Variants in CREB5 observed in about 807,000 individuals in gnomAD.
The protein encoded by CREB5 is cyclic AMP-responsive element-binding protein 5.
In CREB5, 19 loss-of-function variants were observed where a neutral mutation model predicts 57.1. That is an observed-to-expected ratio of 0.33 (90% CI 0.23 to 0.49). The LOEUF (loss-of-function observed/expected upper bound fraction) is 0.49, where lower values mean the gene tolerates loss of function less well. CREB5 is among the 20% of genes least tolerant of loss of function. The pLI is 0.99. For synonymous variants in CREB5, 238 were observed against 238.3 expected (o/e 1.00, Z 0.01); for missense variants, 579 against 671.6 (o/e 0.86, Z 1.52).
intron 5 of CREB5, among the ~76,000 whole-genome samples, chr7:28,636,236 A>G (rs557753215): frequency 2.6e-5 from 4 of 152,138 alleles, no homozygotes; most frequent in African/African-American, 7.2e-5. Context: ...CTGCTTGCCC[A>G]TGCCCTTTTT....
intron 5 of CREB5, among the ~76,000 whole-genome samples, chr7:28,597,183 A>G (rs1796717924): frequency 6.6e-6 from 1 of 152,182 alleles, no homozygotes; most frequent in Non-Finnish European, 1.5e-5. Context: ...GGTTGACAGA[A>G]CAATCCTGGA....
chr7:28,524,740 TA>T (rs1392807493), intron 4 of CREB5, among the ~76,000 whole-genome samples: 1 of 152,244 alleles, frequency 6.6e-6, no homozygotes, highest in African/African-American at 2.4e-5. Context: ...ACTTATGTGA[TA>T]GATGTGTTAT....
chr7:28,340,115 C>T (rs1165474598), intron 1 of CREB5, among the ~76,000 whole-genome samples: 1 of 152,178 alleles, frequency 6.6e-6, no homozygotes, highest in Non-Finnish European at 1.5e-5. Flanking sequence ...CAGGAGCCTG[C>T]TTTGTGCCCT....
intron 7 of CREB5, among the ~76,000 whole-genome samples, chr7:28,746,267 C>G (rs1221971573): frequency 6.6e-6 from 1 of 152,128 alleles, no homozygotes; most frequent in African/African-American, 2.4e-5. Flanking sequence ...GTCAGTCTGC[C>G]TGTAACTTTC....
In CREB5 at chr7:28,552,047, CT is replaced by C. The variant is rs1334851517; in HGVS notation, c.292-18316del. Among the ~76,000 whole-genome samples, 10 of 131,978 alleles carry C rather than the reference CT, an allele frequency of 7.6e-5. No individual in the cohort carries two copies. The East Asian group carries it at 2.0e-3, about 26-fold the overall frequency. The allele number at this position is 131,978 out of a possible 152,430, so 86.6% of individuals were successfully genotyped here. ...TCTTTCTCTCTTTTCTCTCTCCTCT[CT>C]TCTCTCTTCTCTTTCTTTCATCTCA... is the stretch of plus-strand genomic sequence containing the variant. On this transcript the variant is annotated intron_variant, in intron 4 of 10. Transcript: ENST00000357727.
chr7:28,336,975 G>A (rs953134999), intron 1 of CREB5, among the ~76,000 whole-genome samples: 3 of 151,958 alleles, frequency 2.0e-5, no homozygotes, highest in African/African-American at 7.2e-5. Context: ...GGAGCATATT[G>A]TTTAATTTCC....
chr7:28,571,199 G>A (rs1795689515), intron 5 of CREB5, among the ~76,000 whole-genome samples: 1 of 152,176 alleles, frequency 6.6e-6, no homozygotes, highest in African/African-American at 2.4e-5. Flanking sequence ...ATGCTACTCA[G>A]AATGGTGAGC....
chr7:28,461,121 G>C (rs1022284171), intron 1 of CREB5, among the ~76,000 whole-genome samples: 1 of 115,566 alleles, frequency 8.7e-6, no homozygotes, highest in Non-Finnish European at 2.1e-5. Context: ...TACTTGGGAG[G>C]CTGAGGCAGG....
At chr7:28,484,666 A>G (rs541214507) in intron 1 of CREB5, among the ~76,000 whole-genome samples, 1 of 152,352 alleles carries the variant, frequency 6.6e-6, no homozygotes, top group East Asian at 1.9e-4. Flanking sequence ...CATGTAATAC[A>G]TTGATACAGA....
At chr7:28,558,234 T>C (rs540708266) in intron 4 of CREB5, among the ~76,000 whole-genome samples, 14 of 152,368 alleles carry the variant, frequency 9.2e-5, no homozygotes, top group Non-Finnish European at 1.9e-4. Flanking sequence ...AGAAATACTG[T>C]TAATGACGAC....
intron 4 of CREB5, among the ~76,000 whole-genome samples, chr7:28,548,350 A>G (rs1794496192): frequency 6.6e-6 from 1 of 152,148 alleles, no homozygotes. Flanking sequence ...TGTAAACTCC[A>G]ATAGACCTGA....
At chr7:28,624,295 A>G (rs1007328926) in intron 5 of CREB5, among the ~76,000 whole-genome samples, 1 of 152,230 alleles carries the variant, frequency 6.6e-6, no homozygotes, top group Admixed American at 6.5e-5. Flanking sequence ...GAGTGCGTAT[A>G]CTTGAGCCTA....
chr7:28,426,165 C>G (rs1240989250), intron 1 of CREB5, among the ~76,000 whole-genome samples: 3 of 152,194 alleles, frequency 2.0e-5, no homozygotes, highest in Non-Finnish European at 4.4e-5. Flanking sequence ...TGAGACTCCT[C>G]TCTTGCTCTA....
intron 1 of CREB5, among the ~76,000 whole-genome samples, chr7:28,391,660 C>G (rs748359825): frequency 6.6e-6 from 1 of 152,180 alleles, no homozygotes; most frequent in Admixed American, 6.5e-5. Context: ...ATATAATTTG[C>G]TTTCAACCCA....
intron 5 of CREB5, among the ~76,000 whole-genome samples, chr7:28,584,963 A>G (rs1796256429): frequency 6.6e-6 from 1 of 152,190 alleles, no homozygotes; most frequent in Non-Finnish European, 1.5e-5. Context: ...CCATTTGTAC[A>G]GAAAGGGAAC....
intron 1 of CREB5, among the ~76,000 whole-genome samples, chr7:28,365,604 T>G (rs1365793885): frequency 6.6e-6 from 1 of 152,168 alleles, no homozygotes; most frequent in African/African-American, 2.4e-5. Flanking sequence ...TTGTTCTTAC[T>G]TGCAGTCCCT....
intron 2 of CREB5, 26 bp from the exon 3 acceptor site, chr7:28,494,880 T>TC (rs539813790): frequency 5.0e-6 from 7 of 1,399,006 alleles, no homozygotes; most frequent in Non-Finnish European, 5.6e-6. Flanking sequence ...TCTTCTCCCC[T>TC]CCCTTTTTTT....
At chr7:28,382,066 G>A (rs927712235) in intron 1 of CREB5, among the ~76,000 whole-genome samples, 2 of 151,796 alleles carry the variant, frequency 1.3e-5, no homozygotes, top group African/African-American at 4.8e-5. Context: ...AAGGCGGAAG[G>A]CCCGAGAGCC....
rs183638495 is a variant in CREB5 at position 28,333,949 on chromosome 7, T to C, written c.-25+34508T>C. Among the ~76,000 whole-genome samples, 663 of 152,318 alleles carry C rather than the reference T, an allele frequency of 4.4e-3. 5 individuals are homozygous for C. Among genetic ancestry groups the C allele is most frequent in the African/African-American group, 0.015 (624 of 41,564 alleles). On this transcript the variant is annotated intron_variant, in intron 1 of 9. Coordinates refer to the CREB5 transcript ENST00000396299. The stretch of plus-strand genomic sequence containing the variant: ...GCCAGATTATATGACAGCTCTATTT[T>C]TAGTTTTTGGAGGAGCCCCTAAACT...
Sources: gnomAD v4.1 joint callset for allele counts (sites outside exome capture counted in the v4.1 genomes callset) on GRCh38, gnomAD v4.1.1 for gene constraint, MANE v1.5 for transcripts, NCBI Gene and HGNC (gene_info 2026-07-23, HGNC 2026-07-21) for gene names.